The following RNF175 variants were observed in gnomAD, a reference collection of about 807,000 sequenced individuals.
RNF175 encodes the protein ring finger protein 175.
In RNF175, 38 loss-of-function variants were observed where a neutral mutation model predicts 50.0. The observed-to-expected ratio is 0.76, with a 90% CI of 0.59 to 1.00. The LOEUF is 1.00. Ranked by LOEUF, RNF175 falls within the 50% of genes least tolerant of loss-of-function variation. RNF175 has a pLI of 0.00. For synonymous variants in RNF175, 155 were observed against 146.1 expected, an observed-to-expected ratio of 1.06 and a Z score of -0.44; for missense variants, 388 against 409.6, an observed-to-expected ratio of 0.95 and a Z score of 0.46.
chr4:153,746,564 A>G (rs1158960471), intron 3 of RNF175, among the ~76,000 whole-genome samples: 1 of 151,872 alleles, frequency 6.6e-6, no homozygotes, highest in Non-Finnish European at 1.5e-5. Flanking sequence ...CCTAGGCTGG[A>G]GTTGCATGCT....
At chr4:153,713,216 T>C (rs1218647020) in intron 7 of RNF175, 1 of 152,280 alleles carries the variant, frequency 6.6e-6, no homozygotes, top group African/African-American at 2.4e-5. Context: ...GTCTGACCCT[T>C]TGTCCCCAAA....
At chr4:153,749,041 T>C (rs1451145213) in intron 2 of RNF175, among the ~76,000 whole-genome samples, 1 of 152,176 alleles carries the variant, frequency 6.6e-6, no homozygotes, top group African/African-American at 2.4e-5. Flanking sequence ...AACCAGTTCC[T>C]TTGCTTTCCC....
At chr4:153,720,009 T>C (rs544847606) in intron 6 of RNF175, among the ~76,000 whole-genome samples, 175 bp downstream of exon 6, 1 of 152,346 alleles carries the variant, frequency 6.6e-6, no homozygotes, top group African/African-American at 2.4e-5. Context: ...AATTTTTTGA[T>C]GAAAGGAGAA....
chr4:153,752,791 G>A (rs1266386494), intron 1 of RNF175, among the ~76,000 whole-genome samples: 1 of 152,158 alleles, frequency 6.6e-6, no homozygotes, highest in Non-Finnish European at 1.5e-5. Context: ...ATAAGCATAT[G>A]TAAAAAGGGT....
intron 1 of RNF175, among the ~76,000 whole-genome samples, chr4:153,753,052 T>A (rs1740373980): frequency 6.6e-6 from 1 of 151,908 alleles, no homozygotes; most frequent in African/African-American, 2.4e-5. Flanking sequence ...AACCTCCAAG[T>A]CCAAGGAGAA....
intron 1 of RNF175, among the ~76,000 whole-genome samples, chr4:153,757,132 C>T (rs1451855730): frequency 1.3e-5 from 2 of 152,222 alleles, no homozygotes; most frequent in Admixed American, 6.5e-5. Flanking sequence ...AGCCTCCATG[C>T]TGGGTTGCCT....
At chr4:153,731,311 C>T (rs924572127) in intron 3 of RNF175, among the ~76,000 whole-genome samples, 4 of 152,048 alleles carry the variant, frequency 2.6e-5, no homozygotes, top group African/African-American at 4.8e-5. Context: ...TATATGAAAT[C>T]GAGGCACATA....
At chr4:153,712,900 T>C (rs1418397921) in intron 7 of RNF175, among the ~76,000 whole-genome samples, 1 of 152,024 alleles carries the variant, frequency 6.6e-6, no homozygotes, top group Non-Finnish European at 1.5e-5. Flanking sequence ...AAGTGTATTG[T>C]TATATTTCCC....
At chr4:153,750,324 T>C (rs72731678) in intron 2 of RNF175, among the ~76,000 whole-genome samples, 26,828 of 152,042 alleles carry the variant, frequency 0.18, 3,063 homozygotes, top group Non-Finnish European at 0.25. Flanking sequence ...GGTTGGGTTC[T>C]CTCCCTCTGC....
intron 8 of RNF175, among the ~76,000 whole-genome samples, chr4:153,711,859 A>G (rs1464722839): frequency 1.3e-5 from 2 of 152,182 alleles, no homozygotes; most frequent in African/African-American, 4.8e-5. Flanking sequence ...ATGTCTATAC[A>G]AATCTCAGTG....
At chr4:153,711,330 C>T (rs982811652) in intron 8 of RNF175, among the ~76,000 whole-genome samples, 36 of 151,710 alleles carry the variant, frequency 2.4e-4, no homozygotes, top group Admixed American at 2.2e-3. Context: ...GTGGCACTGA[C>T]TCACCGAGAA....
At chr4:153,757,429 C>T (rs1381222295) in intron 1 of RNF175, among the ~76,000 whole-genome samples, 1 of 152,176 alleles carries the variant, frequency 6.6e-6, no homozygotes, top group Non-Finnish European at 1.5e-5. Context: ...CAACTCTTCC[C>T]TCACAAAACC....
At chr4:153,747,594 C>T (rs1740043975) in intron 3 of RNF175, among the ~76,000 whole-genome samples, 1 of 152,214 alleles carries the variant, frequency 6.6e-6, no homozygotes. Flanking sequence ...ACATTCTGAC[C>T]ATGACCACTT....
intron 6 of RNF175, among the ~76,000 whole-genome samples, chr4:153,718,252 TG>T (rs58007252): frequency 0.013 from 1,436 of 107,156 alleles, 77 homozygotes; most frequent in African/African-American, 0.016. Flanking sequence ...TTTTTTTTTT[TG>T]AAGCAGATGC....
At chr4:153,733,863 A>G (rs1329310852) in intron 3 of RNF175, among the ~76,000 whole-genome samples, 1 of 152,128 alleles carries the variant, frequency 6.6e-6, no homozygotes, top group African/African-American at 2.4e-5. Context: ...TTCCTGACCT[A>G]TTTATTTTCC....
chr4:153,754,992 C>T (rs73854426), intron 1 of RNF175, among the ~76,000 whole-genome samples: 29 of 152,360 alleles, frequency 1.9e-4, no homozygotes, highest in African/African-American at 6.3e-4. Context: ...ATTGAAACTT[C>T]CATCTTCCCT....
rs78807852 is a variant in RNF175, at chr4:153,748,446, C to G, written c.246+199G>C. The G allele has an allele frequency of 4.9e-4, 235 of 475,902 alleles. 1 individual carries two copies. Among genetic ancestry groups the G allele is most frequent in the African/African-American group, 4.4e-3 (220 of 49,958 alleles). 29.5% of individuals were successfully genotyped at this position (475,902 alleles called of 1,614,324 possible). A position where few individuals can be genotyped will look rare whatever the true frequency, so the allele number is the denominator to read the frequency against. ...AACTCCCCTCCCCCTTTTCACCCCC[C>G]ACAAGTCTTGACAGTCAAAAATGTT... is the stretch of plus-strand genomic sequence containing the variant. On this transcript the variant is annotated intron_variant, in intron 3 of 8. Coordinates refer to ENST00000347063, the MANE Select transcript of RNF175 (RefSeq NM_173662.4).
chr4:153,728,366 C>G lies in RNF175; in HGVS notation c.247-5G>C, dbSNP rs1738838013. On this transcript the variant is annotated splice_region_variant and splice_polypyrimidine_tract_variant and intron_variant, in intron 3 of 8. Coordinates refer to ENST00000347063, the MANE Select transcript of RNF175 (RefSeq NM_173662.4). ...CATCTGCAACAAGGTCACCAGCTGT[C>G]AGAGAAATGAACAGGAAGTATCTTT... is the stretch of plus-strand genomic sequence containing the variant. 1 of 1,612,832 alleles carries G rather than the reference C, an allele frequency of 6.2e-7. No homozygotes were observed. The highest frequency in any genetic ancestry group is 8.5e-7 in the Non-Finnish European group (1 of 1,179,236).
Position 153,732,989 on chromosome 4 carries a change from C to T in RNF175, c.247-4628G>A, listed in dbSNP as rs549456635. Among the ~76,000 whole-genome samples the T allele has an allele frequency of 3.9e-5, 6 of 152,278 alleles. No individual in the cohort carries two copies. In the East Asian group the frequency reaches 1.2e-3, roughly 29 times the overall value. On this transcript the variant is annotated intron_variant, in intron 3 of 8. Coordinates refer to ENST00000347063, the MANE Select transcript of RNF175 (RefSeq NM_173662.4). ...CCCACCTTCTTTCCACTTTTGACATCACACAGGAGCAGTTAACATTATATT... is the reference window on the plus strand; with the variant it reads ...CCCACCTTCTTTCCACTTTTGACATTACACAGGAGCAGTTAACATTATATT...
Sources: allele counts gnomAD v4.1 joint callset (sites outside exome capture counted in the v4.1 genomes callset), GRCh38; gene constraint gnomAD v4.1.1; transcripts MANE v1.5; gene names NCBI Gene and HGNC (gene_info 2026-07-23, HGNC 2026-07-21).